The following CSMD3 variants were observed in gnomAD, a reference collection of about 807,000 sequenced individuals.
The protein encoded by CSMD3 is CUB and sushi domain-containing protein 3.
A neutral mutation model predicts 435.2 loss-of-function variants in CSMD3; 177 were observed. That is an observed-to-expected ratio of 0.41 (90% CI 0.36 to 0.46). The LOEUF is 0.46. Ranked by LOEUF, CSMD3 falls within the 20% of genes least tolerant of loss-of-function variation. CSMD3 has a pLI of 0.34. For missense variants in CSMD3, 4,265 were observed against 4,504.6 expected, an observed-to-expected ratio of 0.95 and a Z score of 1.52; for synonymous variants, 1,656 against 1,520.5, an observed-to-expected ratio of 1.09 and a Z score of -2.07.
At chr8:112,510,718 G>A (rs148762797) in intron 28 of CSMD3, among the ~76,000 whole-genome samples, 6 of 151,954 alleles carry the variant, frequency 3.9e-5, no homozygotes, top group East Asian at 3.9e-4. Context: ...TGCCCATCTC[G>A]GTCATTTCTT....
At chr8:113,393,518 C>T (rs1448374851) in intron 1 of CSMD3, among the ~76,000 whole-genome samples, 1 of 151,998 alleles carries the variant, frequency 6.6e-6, no homozygotes, top group African/African-American at 2.4e-5. Flanking sequence ...CACTTCAATA[C>T]AGTGGAAATA....
At chr8:112,864,541 G>A (rs1441103549) in intron 10 of CSMD3, among the ~76,000 whole-genome samples, 5 of 152,054 alleles carry the variant, frequency 3.3e-5, no homozygotes, top group South Asian at 2.1e-4. Flanking sequence ...GTGAGCCACC[G>A]TGCCCGGCTG....
intron 26 of CSMD3, 139 bp downstream of exon 26, chr8:112,552,455 G>A (rs939152919): frequency 7.6e-6 from 6 of 788,528 alleles, no homozygotes; most frequent in African/African-American, 5.2e-5. Flanking sequence ...CCTGCCTTCC[G>A]GTCTGGATGT....
intron 13 of CSMD3, among the ~76,000 whole-genome samples, chr8:112,761,895 T>C (rs939662094): frequency 4.6e-5 from 7 of 152,062 alleles, no homozygotes; most frequent in African/African-American, 1.7e-4. Context: ...GGATCCTGAC[T>C]TTACTGCAAC....
At chr8:112,494,495 C>T (rs3080198) in intron 30 of CSMD3, among the ~76,000 whole-genome samples, 16,302 of 32,280 alleles carry the variant, frequency 0.51, 3,918 homozygotes, top group African/African-American at 0.62. Context: ...TCTTTCTCTC[C>T]TTTCTTTCTT....
intron 38 of CSMD3, among the ~76,000 whole-genome samples, chr8:112,372,036 A>G (rs541181089): frequency 1.2e-4 from 19 of 152,260 alleles, no homozygotes; most frequent in African/African-American, 4.6e-4. Context: ...TACAAAAACA[A>G]ACACAGGCTA....
At chr8:112,803,944 G>A (rs758200026) in intron 12 of CSMD3, among the ~76,000 whole-genome samples, 1 of 152,186 alleles carries the variant, frequency 6.6e-6, no homozygotes, top group African/African-American at 2.4e-5. Flanking sequence ...GGGACCAGAA[G>A]ATCACCCATT....
At chr8:113,375,234 C>T (rs2094373647) in intron 1 of CSMD3, among the ~76,000 whole-genome samples, 1 of 152,050 alleles carries the variant, frequency 6.6e-6, no homozygotes, top group African/African-American at 2.4e-5. Context: ...CAAATCATTG[C>T]TAATGTAGCT....
intron 10 of CSMD3, among the ~76,000 whole-genome samples, chr8:112,866,369 T>C (rs1311066326): frequency 6.6e-6 from 1 of 152,146 alleles, no homozygotes; most frequent in Non-Finnish European, 1.5e-5. Context: ...GATTACATCA[T>C]GCAGCTATCT....
chr8:113,181,245 T>C (rs541021843), intron 3 of CSMD3, among the ~76,000 whole-genome samples: 1 of 152,074 alleles, frequency 6.6e-6, no homozygotes, highest in Non-Finnish European at 1.5e-5. Context: ...AAAAAAATAT[T>C]TAGATAAGTC....
intron 7 of CSMD3, among the ~76,000 whole-genome samples, chr8:112,966,977 G>A (rs751608132): frequency 7.9e-5 from 12 of 151,914 alleles, no homozygotes; most frequent in African/African-American, 2.9e-4. Context: ...TGTGATAAAT[G>A]TTGTTCTCTC....
intron 3 of CSMD3, among the ~76,000 whole-genome samples, chr8:113,212,068 C>T (rs975002140): frequency 1.3e-5 from 2 of 151,978 alleles, no homozygotes; most frequent in African/African-American, 2.4e-5. Flanking sequence ...GGCATTTATA[C>T]CTTTGTATAT....
chr8:112,348,851 T>C (rs1160996851), intron 40 of CSMD3, among the ~76,000 whole-genome samples: 3 of 152,186 alleles, frequency 2.0e-5, no homozygotes, highest in African/African-American at 7.2e-5. Context: ...AAAATTGTTT[T>C]GTTACATTTT....
intron 3 of CSMD3, among the ~76,000 whole-genome samples, chr8:113,221,313 C>A (rs1241203124): frequency 6.6e-6 from 1 of 150,414 alleles, no homozygotes. Context: ...GTTTGTAATT[C>A]ATTCTCAAAT....
chr8:112,654,425 T>C (rs576696469), intron 18 of CSMD3, among the ~76,000 whole-genome samples: 1 of 152,322 alleles, frequency 6.6e-6, no homozygotes, highest in East Asian at 1.9e-4. Context: ...CAAATTTAAA[T>C]ACAAAGTTAT....
intron 9 of CSMD3, among the ~76,000 whole-genome samples, chr8:112,938,703 T>C (rs984307752): frequency 3.9e-5 from 6 of 152,140 alleles, no homozygotes; most frequent in Non-Finnish European, 8.8e-5. Context: ...TATTTTTCGG[T>C]AAGAGGCAAG....
intron 38 of CSMD3, among the ~76,000 whole-genome samples, chr8:112,378,060 C>A (rs1486367034): frequency 6.6e-6 from 1 of 151,980 alleles, no homozygotes; most frequent in Non-Finnish European, 1.5e-5. Flanking sequence ...TTAAAATTGT[C>A]CCTGTCTGCA....
rs554306453 is a variant in CSMD3 at position 113,009,536 on chromosome 8, T to C, written c.1030+9531A>G. On this transcript the variant is annotated intron_variant, in intron 6 of 70. Transcript: ENST00000297405. ...CATCTGCTTTGAAAAAAAGCCCTTGTCACGTTGAAAAACTAGAAAAATTGT... is the reference window on the plus strand; with the variant it reads ...CATCTGCTTTGAAAAAAAGCCCTTGCCACGTTGAAAAACTAGAAAAATTGT... 2.6e-5 allele frequency among the ~76,000 whole-genome samples: 4 copies of C among 151,864 alleles called. No homozygotes were observed. The East Asian group carries it at 7.7e-4, about 29-fold the overall frequency.
chr8:113,009,568 T>C (rs1172626819), intron 6 of CSMD3, among the ~76,000 whole-genome samples: 1 of 151,900 alleles, frequency 6.6e-6, no homozygotes, highest in African/African-American at 2.4e-5. Flanking sequence ...TTGTGTTCAC[T>C]TGGAAATCTG....
Sources: gnomAD v4.1 joint callset for allele counts (sites outside exome capture counted in the v4.1 genomes callset) on GRCh38, gnomAD v4.1.1 for gene constraint, MANE v1.5 for transcripts, NCBI Gene and HGNC (gene_info 2026-07-23, HGNC 2026-07-21) for gene names.